The following CELF1 variants were observed in gnomAD, a reference collection of about 807,000 sequenced individuals.
CELF1 encodes 50 kDa nuclear polyadenylated RNA-binding protein.
A neutral mutation model predicts 61.8 loss-of-function variants in CELF1; 10 were observed. That is an observed-to-expected ratio of 0.16 (90% confidence interval 0.10 to 0.27). The LOEUF (loss-of-function observed/expected upper bound fraction) is 0.27, where lower values mean the gene tolerates loss of function less well. Among genes scored for constraint, CELF1 ranks in the 10% least tolerant of loss-of-function variants. The probability of loss-of-function intolerance (pLI) is 1.00; values close to 1 mark genes in which losing one functional copy is unlikely to be tolerated. For synonymous variants in CELF1, 236 were observed against 225.1 expected (o/e 1.05, Z -0.43); for missense variants, 380 against 639.1 (o/e 0.59, Z 4.37).
chr11:47,502,266 G>A (rs1326653238), intron 1 of CELF1, among the ~76,000 whole-genome samples: 1 of 152,056 alleles, frequency 6.6e-6, no homozygotes, highest in African/African-American at 2.4e-5. Flanking sequence ...CCTACAAGAT[G>A]GAAATGTTAT....
At chr11:47,526,834 T>A (rs1405972325) in intron 1 of CELF1, among the ~76,000 whole-genome samples, 2 of 151,916 alleles carry the variant, frequency 1.3e-5, no homozygotes, top group African/African-American at 4.8e-5. Context: ...ATGGATCACC[T>A]GAGGTCAGGA....
chr11:47,504,728 C>G (rs140510617), intron 1 of CELF1, among the ~76,000 whole-genome samples: 2 of 150,794 alleles, frequency 1.3e-5, no homozygotes, highest in East Asian at 3.9e-4. Flanking sequence ...ATGGTGAAAC[C>G]CCATCTCTAC....
At chr11:47,474,151 CCT>C (rs2153375087) in intron 13 of CELF1, among the ~76,000 whole-genome samples, 1 of 152,324 alleles carries the variant, frequency 6.6e-6, no homozygotes, top group East Asian at 1.9e-4. Context: ...CCTGCCTTGG[CCT>C]CTCAAAGTGC....
intron 13 of CELF1, 145 bp downstream of exon 13, chr11:47,475,191 T>C: frequency 2.9e-6 from 2 of 687,700 alleles, no homozygotes; most frequent in Non-Finnish European, 4.9e-6. Context: ...CTTCACAGGG[T>C]TTCTCAGTCT....
chr11:47,489,935 GTTT>G lies in CELF1; in HGVS notation c.72-914_72-912del, dbSNP rs561900704. ...GTTTCCACTCAGAACATACCATCTT[GTTT>G]TTTTTTTTTTTTTTTTTGAGACGGA... On this transcript the variant is annotated intron_variant, in intron 3 of 14. Transcript: ENST00000687097. Among the ~76,000 whole-genome samples the G allele has an allele frequency of 1.1e-3, 55 of 48,234 alleles. 3 individuals are homozygous for G. The highest frequency in any genetic ancestry group is 3.9e-3 in the South Asian group (4 of 1,018). The allele number at this position is 48,234 out of a possible 152,430, so 31.6% of individuals were successfully genotyped here.
intron 1 of CELF1, among the ~76,000 whole-genome samples, chr11:47,551,092 C>T (rs187437549): frequency 7.2e-5 from 11 of 151,910 alleles, no homozygotes; most frequent in Non-Finnish European, 1.3e-4. Flanking sequence ...TTTCTAGGGC[C>T]CTCAGTTTCC....
At position 47,471,692 on chromosome 11, in the gene CELF1, T is replaced by TTAGACACCTA. The variant is rs1232260889; in HGVS notation, c.*537_*538insTAGGTGTCTA. ...AGTCTCCAGCTGCCAGGGCATTAGG[T>TTAGACACCTA]GTCTAGTCACTCCACTCTTCCCCAA... is the stretch of plus-strand genomic sequence containing the variant. On this transcript the variant is annotated 3_prime_UTR_variant, in exon 15 of 15. Transcript: ENST00000687097. The TTAGACACCTA allele has an allele frequency of 2.6e-5, 4 of 152,226 alleles. No individual in the cohort carries two copies. The highest frequency in any genetic ancestry group is 9.7e-5 in the African/African-American group (4 of 41,384). The allele number at this position is 152,226 out of a possible 1,614,324, so 9.4% of individuals were successfully genotyped here. A position where few individuals can be genotyped will look rare whatever the true frequency, so the allele number is the denominator to read the frequency against.
chr11:47,561,211 G>A (rs1161448123), intron 2 of CELF1, among the ~76,000 whole-genome samples: 3 of 149,370 alleles, frequency 2.0e-5, no homozygotes, highest in Non-Finnish European at 4.4e-5. Flanking sequence ...TTGGGAGGCC[G>A]AGACAGGTGG....
At chr11:47,533,485 G>C (rs1038324780) in intron 1 of CELF1, among the ~76,000 whole-genome samples, 1 of 152,138 alleles carries the variant, frequency 6.6e-6, no homozygotes, top group Non-Finnish European at 1.5e-5. Flanking sequence ...AGCCAGGCAT[G>C]GCAGTGTATG....
At chr11:47,556,291 C>T (rs1435248842), upstream of CELF1, among the ~76,000 whole-genome samples, 1 of 152,122 alleles carries the variant, frequency 6.6e-6, no homozygotes, top group Admixed American at 6.6e-5. Flanking sequence ...TTCATGAGAT[C>T]CTTCCACCAG....
At chr11:47,561,772 T>C (rs78346767) in intron 2 of CELF1, among the ~76,000 whole-genome samples, 2,423 of 152,244 alleles carry the variant, frequency 0.016, 50 homozygotes, top group African/African-American at 0.048. Flanking sequence ...ACTCAAATGT[T>C]CATAAACTGA....
rs1250457877 is a variant in CELF1 at position 47,484,479 on chromosome 11, A to G, written c.436T>C (p.Cys146Arg). The G allele has an allele frequency of 1.2e-6, 2 of 1,613,280 alleles. No individual in the cohort carries two copies. The highest frequency in any genetic ancestry group is 2.2e-5 in the East Asian group (1 of 44,880). ...KLFIGMISKK[C>R]TENDIRVMFS... ...ATGACTCGGATGTCATTTTCAGTGC[A>G]CTTCTTGGAAATCATACCAATAAAC... is the stretch of plus-strand genomic sequence containing the variant. Residue 146 changes from cysteine (C) to arginine (R), a missense_variant, in exon 7 of 15, where the codon TGC becomes CGC. By Grantham distance (180) the Cys-to-Arg change is radical. Transcript: ENST00000687097.
chr11:47,554,785 C>CCGAGTAG (rs2097199864), upstream of CELF1, among the ~76,000 whole-genome samples: 1 of 151,964 alleles, frequency 6.6e-6, no homozygotes, highest in South Asian at 2.1e-4. Flanking sequence ...CCTCAGCCTC[C>CCGAGTAG]CGAGTAGCTG....
intron 1 of CELF1, among the ~76,000 whole-genome samples, chr11:47,541,940 T>C (rs1362046188): frequency 6.6e-6 from 1 of 151,886 alleles, no homozygotes; most frequent in Non-Finnish European, 1.5e-5. Context: ...ACTAAAGACA[T>C]TCCCCCCCAA....
intron 9 of CELF1, among the ~76,000 whole-genome samples, chr11:47,479,383 G>C (rs1596239243): frequency 6.6e-6 from 1 of 152,180 alleles, no homozygotes; most frequent in South Asian, 2.1e-4. Flanking sequence ...TTTCCATCTG[G>C]ATACTCAATT....
intron 1 of CELF1, among the ~76,000 whole-genome samples, chr11:47,539,672 A>C (rs1044458053): frequency 2.0e-5 from 3 of 152,216 alleles, no homozygotes; most frequent in African/African-American, 7.2e-5. Flanking sequence ...GAAAGCTTAC[A>C]TAAAAACTAG....
At chr11:47,509,269 G>C (rs1409619640) in intron 1 of CELF1, among the ~76,000 whole-genome samples, 2 of 152,152 alleles carry the variant, frequency 1.3e-5, no homozygotes, top group Non-Finnish European at 2.9e-5. Flanking sequence ...GAGAAAGCCT[G>C]AACTGTTTGT....
intron 1 of CELF1, among the ~76,000 whole-genome samples, chr11:47,521,478 C>T (rs941656637): frequency 6.6e-6 from 1 of 152,218 alleles, no homozygotes; most frequent in African/African-American, 2.4e-5. Context: ...CATACCACTG[C>T]TTTCTAATCC....
chr11:47,506,521 C>G (rs957196834), intron 1 of CELF1, among the ~76,000 whole-genome samples: 1 of 152,236 alleles, frequency 6.6e-6, no homozygotes, highest in East Asian at 1.9e-4. Flanking sequence ...ATGCAGCCCA[C>G]AGGCTGCGGG....
Sources: gnomAD v4.1 joint callset for allele counts (sites outside exome capture counted in the v4.1 genomes callset) on GRCh38, gnomAD v4.1.1 for gene constraint, MANE v1.5 for transcripts, NCBI Gene and HGNC (gene_info 2026-07-23, HGNC 2026-07-21) for gene names.